ZC3H7A: variants seen among roughly 807,000 people sequenced by gnomAD.
The protein encoded by ZC3H7A is zinc finger CCCH-type containing 7A, also known as zinc finger CCCH domain-containing protein 7A.
ZC3H7A carries 44 observed loss-of-function variants against 125.5 expected under a neutral mutation model. The observed-to-expected ratio is 0.35, with a 90% CI of 0.28 to 0.45. The LOEUF (loss-of-function observed/expected upper bound fraction) is 0.45, where lower values mean the gene tolerates loss of function less well. ZC3H7A is among the 20% of genes least tolerant of loss of function. The pLI is 1.00. For missense variants in ZC3H7A, 977 were observed against 1,170.7 expected, an observed-to-expected ratio of 0.83 and a Z score of 2.41; for synonymous variants, 399 against 391.2, an observed-to-expected ratio of 1.02 and a Z score of -0.23.
chr16:11,780,561 A>G (rs2053159048), intron 3 of ZC3H7A, among the ~76,000 whole-genome samples: 1 of 152,232 alleles, frequency 6.6e-6, no homozygotes, highest in Non-Finnish European at 1.5e-5. Flanking sequence ...TGGACGGATC[A>G]ACTATTAACA....
At chr16:11,772,480 A>G (rs1303075696) in intron 9 of ZC3H7A, among the ~76,000 whole-genome samples, 6 of 151,810 alleles carry the variant, frequency 4.0e-5, no homozygotes, top group Admixed American at 3.9e-4. Flanking sequence ...TACTGTGATC[A>G]CCATCATACA....
At chr16:11,758,680 C>T (rs1303268259) in intron 19 of ZC3H7A, 141 bp from the exon 20 acceptor site, 21 of 615,548 alleles carry the variant, frequency 3.4e-5, no homozygotes, top group Non-Finnish European at 5.3e-5. Flanking sequence ...TTTGACTCTA[C>T]TCAAATTAAC....
At chr16:11,763,237 A>T (rs901551331) in intron 16 of ZC3H7A, 3 of 314,424 alleles carry the variant, frequency 9.5e-6, no homozygotes, top group African/African-American at 6.5e-5. Context: ...CCTCCCAAGT[A>T]GCTGGTATTA....
At chr16:11,763,406 G>A (rs1361299985) in intron 16 of ZC3H7A, 72 bp downstream of exon 16, 21 of 1,466,358 alleles carry the variant, frequency 1.4e-5, no homozygotes, top group African/African-American at 2.8e-5. Flanking sequence ...ACCACGCCAG[G>A]CCCAAATTAC....
intron 7 of ZC3H7A, among the ~76,000 whole-genome samples, chr16:11,775,861 A>G (rs2053070985): frequency 6.6e-6 from 1 of 152,188 alleles, no homozygotes; most frequent in African/African-American, 2.4e-5. Context: ...GTTCTTTTGT[A>G]AAGTGACTAG....
At chr16:11,752,249 A>G (rs952510821) in intron 22 of ZC3H7A, among the ~76,000 whole-genome samples, 2 of 152,226 alleles carry the variant, frequency 1.3e-5, no homozygotes, top group Non-Finnish European at 2.9e-5. Flanking sequence ...GGAGTGATAC[A>G]TATTAACATC....
rs1329227418 is a variant in ZC3H7A at position 11,782,344 on chromosome 16, A to G, written c.11T>C (p.Val4Ala). 5.6e-6 allele frequency: 9 copies of G among 1,614,170 alleles called. No individual in the cohort carries two copies. The South Asian group carries it at 9.9e-5, about 18-fold the overall frequency. MSN[V>A]SEERRKRQQN... ...CTGCCTTTTTCTTCTCTCCTCGGAC[A>G]CATTGGACATGTTATCCCACACATC... The change falls in exon 2 of 23, where the codon GTG becomes GCG. Residue 4 changes from valine to alanine, a missense_variant. Transcript: ENST00000355758.
chr16:11,784,379 A>G (rs1423957199), intron 1 of ZC3H7A, among the ~76,000 whole-genome samples: 1 of 152,052 alleles, frequency 6.6e-6, no homozygotes. Context: ...ATTTATATGT[A>G]CAAAATAATT....
chr16:11,770,946 G>A lies in ZC3H7A; in HGVS notation c.945C>T (p.Val315=), dbSNP rs758470332. 3.1e-6 allele frequency: 5 copies of A among 1,613,522 alleles called. No individual in the cohort carries two copies. Among genetic ancestry groups the A allele is most frequent in the African/African-American group, 1.3e-5 (1 of 74,942 alleles). Residue 315 remains valine (V), a synonymous_variant, in exon 10 of 23, where the codon GTC becomes GTT. Coordinates refer to ENST00000355758, the MANE Select transcript of ZC3H7A (RefSeq NM_014153.4). Reference sequence around the variant, plus strand: ...ATGCCGAAAAGGGCATGCTAGGAGAGACACTGGCTGTCTGAAGGGGTCCTC... The same window carrying A: ...ATGCCGAAAAGGGCATGCTAGGAGAAACACTGGCTGTCTGAAGGGGTCCTC... ...LVRGPLQTAS[V]SPSMPFSASL... is the part of the protein sequence containing the mutation.
At chr16:11,773,700 G>C (rs1159957041) in intron 9 of ZC3H7A, among the ~76,000 whole-genome samples, 13 of 151,716 alleles carry the variant, frequency 8.6e-5, no homozygotes, top group Non-Finnish European at 5.9e-5. Flanking sequence ...GGCTAAGGCA[G>C]TGAAACCCCA....
intron 8 of ZC3H7A, 28 bp from the exon 9 acceptor site, chr16:11,774,547 T>C: frequency 1.3e-6 from 2 of 1,492,084 alleles, no homozygotes; most frequent in Non-Finnish European, 1.8e-6. Flanking sequence ...ATGTACTCAG[T>C]CACTTTCATC....
At chr16:11,777,123 C>T (rs1009324612) in intron 4 of ZC3H7A, among the ~76,000 whole-genome samples, 4 of 152,170 alleles carry the variant, frequency 2.6e-5, no homozygotes, top group Non-Finnish European at 5.9e-5. Flanking sequence ...TACACACCAT[C>T]CAGGTCAGAC....
intron 10 of ZC3H7A, 135 bp downstream of exon 10, chr16:11,770,648 A>G: frequency 1.1e-6 from 1 of 887,870 alleles, no homozygotes; most frequent in South Asian, 1.8e-5. Flanking sequence ...CTGAAGGCTT[A>G]GTCTTTATAT....
At chr16:11,781,003 T>A (rs1460814541) in intron 3 of ZC3H7A, among the ~76,000 whole-genome samples, 2 of 152,008 alleles carry the variant, frequency 1.3e-5, no homozygotes, top group Non-Finnish European at 2.9e-5. Flanking sequence ...GAAGTAATTT[T>A]CAAGTGGCTC....
chr16:11,795,347 C>T (rs2053419552), intron 1 of ZC3H7A, among the ~76,000 whole-genome samples: 1 of 152,218 alleles, frequency 6.6e-6, no homozygotes, highest in African/African-American at 2.4e-5. Flanking sequence ...ACCACCCATT[C>T]AGATGCCCCA....
intron 7 of ZC3H7A, among the ~76,000 whole-genome samples, 174 bp from the exon 8 acceptor site, chr16:11,775,187 A>G (rs1388169599): frequency 4.6e-5 from 7 of 152,102 alleles, no homozygotes; most frequent in African/African-American, 1.4e-4. Context: ...CCTGGCCAAC[A>G]TGGTGAAACC....
Position 11,763,619 on chromosome 16 carries a change from A to C in ZC3H7A, c.1861T>G (p.Ser621Ala). The C allele has an allele frequency of 6.2e-7, 1 of 1,605,384 alleles. No homozygotes were observed. The highest frequency in any genetic ancestry group is 2.2e-5 in the East Asian group (1 of 44,644). The change falls in exon 16 of 23, where the codon TCC (serine) becomes GCC (alanine). Residue 621 changes from serine to alanine, a missense_variant. Physicochemically the swap from Ser to Ala is moderately conservative, Grantham distance 99. This residue lies in a region of ZC3H7A where 436 missense variants were observed against 603.2 expected (regional missense o/e 0.72). Coordinates refer to ENST00000355758, the MANE Select transcript of ZC3H7A (RefSeq NM_014153.4). ...HILRETTVKYSKIRSFHGQCQ... is the reference protein window; with the variant it reads ...HILRETTVKYAKIRSFHGQCQ... ...TGACCATGAAAAGAACGTATTTTGG[A>C]GTATTTTACTGTTGTCTCTCGCAAA... is the stretch of plus-strand genomic sequence containing the variant.
At chr16:11,788,724 C>G (rs1311652301) in intron 1 of ZC3H7A, among the ~76,000 whole-genome samples, 1 of 151,600 alleles carries the variant, frequency 6.6e-6, no homozygotes, top group Non-Finnish European at 1.5e-5. Flanking sequence ...AGCGATTATC[C>G]TGCCTCAGCC....
intron 1 of ZC3H7A, among the ~76,000 whole-genome samples, chr16:11,786,089 T>C (rs756954028): frequency 1.3e-5 from 2 of 152,200 alleles, no homozygotes; most frequent in East Asian, 3.8e-4. Flanking sequence ...ACTTTTGTTT[T>C]ATTTGGAGCC....
Sources: allele counts gnomAD v4.1 joint callset (sites outside exome capture counted in the v4.1 genomes callset), GRCh38; gene constraint gnomAD v4.1.1; regional missense constraint gnomAD v4.1.1; transcripts MANE v1.5; gene names NCBI Gene and HGNC (gene_info 2026-07-23, HGNC 2026-07-21).